PRTFDC1: variants seen among roughly 807,000 people sequenced by gnomAD.
PRTFDC1 encodes the protein phosphoribosyl transferase domain containing 1, also known as phosphoribosyltransferase domain-containing protein 1.
A neutral mutation model predicts 34.6 loss-of-function variants in PRTFDC1; 38 were observed. The ratio of observed to expected loss-of-function variants is 1.10; its 90% CI spans 0.85 to 1.44. The LOEUF is 1.44. Among genes scored for constraint, PRTFDC1 ranks in the 40% most tolerant of loss-of-function variants. The pLI is 0.00. For missense variants in PRTFDC1, 270 were observed against 283.0 expected (o/e 0.95, Z 0.33); for synonymous variants, 93 against 98.1 (o/e 0.95, Z 0.31).
intron 7 of PRTFDC1, among the ~76,000 whole-genome samples, chr10:24,852,831 G>C (rs752025384): frequency 7.9e-5 from 12 of 152,180 alleles, no homozygotes; most frequent in Non-Finnish European, 1.6e-4. Context: ...CATCTCCACA[G>C]TGACTATGAC....
chr10:24,862,589 G>A (rs1387546148), intron 4 of PRTFDC1, among the ~76,000 whole-genome samples: 2 of 152,144 alleles, frequency 1.3e-5, no homozygotes, highest in African/African-American at 2.4e-5. Flanking sequence ...TGGCCAGGCT[G>A]GTCTTGAATT....
chr10:24,929,273 G>GA (rs1219163632), intron 3 of PRTFDC1, among the ~76,000 whole-genome samples: 3 of 152,070 alleles, frequency 2.0e-5, no homozygotes, highest in African/African-American at 7.2e-5. Context: ...GAATGAGAGA[G>GA]AAAAAATGTA....
At chr10:24,857,366 G>C (rs893125810) in intron 5 of PRTFDC1, among the ~76,000 whole-genome samples, 8 of 152,276 alleles carry the variant, frequency 5.3e-5, no homozygotes, top group Middle Eastern at 3.4e-3. Context: ...AATTTTCATG[G>C]ATATGTACAT....
At chr10:24,942,790 GGCATGT>G (rs1849185485) in intron 1 of PRTFDC1, among the ~76,000 whole-genome samples, 1 of 152,116 alleles carries the variant, frequency 6.6e-6, no homozygotes, top group South Asian at 2.1e-4. Context: ...TGGGACTACA[GGCATGT>G]GCCACTACGC....
intron 3 of PRTFDC1, among the ~76,000 whole-genome samples, chr10:24,912,071 C>A (rs1230812234): frequency 6.6e-6 from 1 of 151,590 alleles, no homozygotes; most frequent in African/African-American, 2.4e-5. Context: ...GAGTTCAAGA[C>A]CAGCTTGGCC....
intron 3 of PRTFDC1, among the ~76,000 whole-genome samples, chr10:24,907,760 A>G (rs942296250): frequency 1.3e-5 from 2 of 152,354 alleles, no homozygotes; most frequent in South Asian, 2.1e-4. Flanking sequence ...AAGAAGTTAC[A>G]TTCTTTTAAA....
rs34113964 is a variant in PRTFDC1 at position 24,880,813 on chromosome 10, C to CTCTTTCTTTCTTTCTTTCTT, written c.340-8770_340-8751dup. Among the ~76,000 whole-genome samples, 136 of 115,014 alleles carry CTCTTTCTTTCTTTCTTTCTT rather than the reference C, an allele frequency of 1.2e-3. 2 individuals carry two copies. The highest frequency in any genetic ancestry group is 5.5e-3 in the East Asian group (20 of 3,648). 75.5% of individuals were successfully genotyped at this position (115,014 alleles called of 152,430 possible). A position where few individuals can be genotyped will look rare whatever the true frequency, so the allele number is the denominator to read the frequency against. ...TCCATCATTCCACTTTACTGTCTTT[C>CTCTTTCTTTCTTTCTTTCTT]TCTTTCTTTCTTTCTTTCTTTCTTT... On this transcript the variant is annotated intron_variant, in intron 3 of 8. Coordinates refer to ENST00000320152, the MANE Select transcript of PRTFDC1 (RefSeq NM_020200.7).
intron 5 of PRTFDC1, among the ~76,000 whole-genome samples, chr10:24,857,673 C>A (rs1255411536): frequency 1.3e-5 from 2 of 152,170 alleles, no homozygotes; most frequent in Admixed American, 6.5e-5. Flanking sequence ...GTTAGAGGGT[C>A]TACTCCATGG....
intron 2 of PRTFDC1, among the ~76,000 whole-genome samples, chr10:24,941,464 C>T (rs967776566): frequency 6.6e-6 from 1 of 151,960 alleles, no homozygotes; most frequent in East Asian, 1.9e-4. Flanking sequence ...ACACTTCAGC[C>T]TCTGGAGTAG....
chr10:24,883,796 C>T (rs989219380), intron 3 of PRTFDC1, among the ~76,000 whole-genome samples: 6 of 145,416 alleles, frequency 4.1e-5, no homozygotes, highest in Non-Finnish European at 6.0e-5. Flanking sequence ...GATATCCTAG[C>T]GGTGATCATT....
chr10:24,890,119 T>G (rs532986753), intron 3 of PRTFDC1, among the ~76,000 whole-genome samples: 1 of 152,316 alleles, frequency 6.6e-6, no homozygotes, highest in African/African-American at 2.4e-5. Context: ...GAAATGAGAC[T>G]CTGCTGTACC....
intron 3 of PRTFDC1, chr10:24,908,776 G>A: frequency 6.9e-7 from 1 of 1,442,268 alleles, no homozygotes; most frequent in Non-Finnish European, 9.1e-7. Flanking sequence ...GCGATCAATG[G>A]GGTGACTGAT....
At chr10:24,916,783 CT>C (rs1263009185) in intron 3 of PRTFDC1, among the ~76,000 whole-genome samples, 1 of 152,076 alleles carries the variant, frequency 6.6e-6, no homozygotes, top group Non-Finnish European at 1.5e-5. Flanking sequence ...TTTCAATTTC[CT>C]GTCTGTTTTA....
chr10:24,919,063 T>G (rs910056831), intron 3 of PRTFDC1, among the ~76,000 whole-genome samples: 14 of 152,342 alleles, frequency 9.2e-5, no homozygotes, highest in Non-Finnish European at 1.8e-4. Flanking sequence ...TGGGCACTAA[T>G]GAAATAATAT....
intron 3 of PRTFDC1, among the ~76,000 whole-genome samples, chr10:24,894,008 A>G (rs1848306848): frequency 6.6e-6 from 1 of 152,154 alleles, no homozygotes; most frequent in African/African-American, 2.4e-5. Context: ...TCCTGATAAC[A>G]TTACTGTAGT....
chr10:24,851,382 A>G lies in PRTFDC1; in HGVS notation c.630+6T>C. The stretch of plus-strand genomic sequence containing the variant: ...GGGCGGTTAGGGATTTGCATGCAAG[A>G]CTTACATTCAGATCTCTGAAGTATT... On this transcript the variant is annotated splice_donor_region_variant and intron_variant, in intron 8 of 8. Coordinates refer to ENST00000320152, the MANE Select transcript of PRTFDC1 (RefSeq NM_020200.7). 2 of 1,597,674 alleles carry G rather than the reference A, an allele frequency of 1.3e-6. No homozygotes were observed. The highest frequency in any genetic ancestry group is 1.7e-6 in the Non-Finnish European group (2 of 1,175,930).
chr10:24,890,328 G>A (rs1391545240), intron 3 of PRTFDC1, among the ~76,000 whole-genome samples: 2 of 152,176 alleles, frequency 1.3e-5, no homozygotes, highest in Non-Finnish European at 2.9e-5. Context: ...AGGTTTTTGT[G>A]GGAGGATCTA....
intron 1 of PRTFDC1, among the ~76,000 whole-genome samples, chr10:24,950,742 C>T (rs1849329117): frequency 6.6e-6 from 1 of 152,138 alleles, no homozygotes. Flanking sequence ...AGCTTCTCCC[C>T]CACAGGCAGC....
chr10:24,868,945 T>A (rs1009572488), intron 4 of PRTFDC1, among the ~76,000 whole-genome samples: 1 of 152,240 alleles, frequency 6.6e-6, no homozygotes, highest in East Asian at 1.9e-4. Context: ...ACGGAGTACA[T>A]GAGTGTTTGT....
Sources: gnomAD v4.1 joint callset for allele counts (sites outside exome capture counted in the v4.1 genomes callset) on GRCh38, gnomAD v4.1.1 for gene constraint, MANE v1.5 for transcripts, NCBI Gene and HGNC (gene_info 2026-07-23, HGNC 2026-07-21) for gene names.